Variants in ARNT2 observed in about 807,000 individuals in gnomAD.
ARNT2 encodes the protein ARNT protein 2.
ARNT2 carries 36 observed loss-of-function variants against 91.7 expected under a neutral mutation model. That is an observed-to-expected ratio of 0.39 (90% CI 0.30 to 0.52). The LOEUF is 0.52. Ranked by LOEUF, ARNT2 falls within the 20% of genes least tolerant of loss-of-function variation. The pLI, the probability that ARNT2 is intolerant of heterozygous loss-of-function variation, is 0.72. For missense variants in ARNT2, 775 were observed against 939.3 expected, an observed-to-expected ratio of 0.83 and a Z score of 2.29; for synonymous variants, 365 against 347.1, an observed-to-expected ratio of 1.05 and a Z score of -0.57.
At chr15:80,486,545 A>G (rs973226402) in intron 5 of ARNT2, among the ~76,000 whole-genome samples, 2 of 152,156 alleles carry the variant, frequency 1.3e-5, no homozygotes, top group Non-Finnish European at 1.5e-5. Context: ...ACTAGAAGCA[A>G]GTTTAACTGC....
intron 1 of ARNT2, among the ~76,000 whole-genome samples, chr15:80,423,160 C>T (rs1567175745): frequency 6.6e-6 from 1 of 152,210 alleles, no homozygotes; most frequent in Non-Finnish European, 1.5e-5. Flanking sequence ...ATATCCACCT[C>T]ATAAAGCAGT....
At chr15:80,511,823 G>T (rs527294708) in intron 6 of ARNT2, among the ~76,000 whole-genome samples, 1 of 152,148 alleles carries the variant, frequency 6.6e-6, no homozygotes, top group South Asian at 2.1e-4. Flanking sequence ...AAGAAGAGAG[G>T]GCAAAGGGAA....
intron 3 of ARNT2, among the ~76,000 whole-genome samples, chr15:80,460,467 C>T (rs562591539): frequency 1.4e-4 from 22 of 152,220 alleles, no homozygotes; most frequent in Admixed American, 6.5e-4. Context: ...CACATGCACA[C>T]GCCCATACGT....
chr15:80,424,504 C>T (rs1487070444), intron 1 of ARNT2, among the ~76,000 whole-genome samples: 1 of 152,202 alleles, frequency 6.6e-6, no homozygotes, highest in East Asian at 1.9e-4. Context: ...CCTCCTTCCA[C>T]GGGCTGCTCT....
At chr15:80,413,763 C>T (rs1190223555) in intron 1 of ARNT2, among the ~76,000 whole-genome samples, 1 of 152,158 alleles carries the variant, frequency 6.6e-6, no homozygotes, top group Non-Finnish European at 1.5e-5. Context: ...CGGGTAGAGC[C>T]AGGCCTTCCA....
intron 8 of ARNT2, 151 bp from the exon 9 acceptor site, chr15:80,551,048 G>A: frequency 1.5e-6 from 1 of 668,004 alleles, no homozygotes; most frequent in African/African-American, 1.8e-5. Context: ...GGAACTGAGT[G>A]AGGAACTGGT....
intron 1 of ARNT2, among the ~76,000 whole-genome samples, chr15:80,435,401 C>G (rs996814932): frequency 6.6e-6 from 1 of 152,152 alleles, no homozygotes; most frequent in African/African-American, 2.4e-5. Flanking sequence ...TGGGTCAGTC[C>G]CTGCTTCAGA....
chr15:80,456,225 A>G (rs897066771), intron 2 of ARNT2, among the ~76,000 whole-genome samples: 1 of 152,126 alleles, frequency 6.6e-6, no homozygotes, highest in African/African-American at 2.4e-5. Flanking sequence ...ACTACCTTGC[A>G]GAGGTGTGTG....
intron 1 of ARNT2, among the ~76,000 whole-genome samples, chr15:80,438,256 T>G (rs1199233723): frequency 6.6e-6 from 1 of 152,220 alleles, no homozygotes; most frequent in African/African-American, 2.4e-5. Flanking sequence ...ATACTAAATA[T>G]AGACATTTGT....
Position 80,470,207 on chromosome 15 carries a change from T to C in ARNT2, c.195-11T>C. ...TTTTCCCCCTCTCCTGATCTCGTGC[T>C]TTCTGGAAAGAGAGAATCATAGTGA... On this transcript the variant is annotated splice_polypyrimidine_tract_variant and intron_variant, in intron 3 of 18. Coordinates refer to ENST00000303329, the MANE Select transcript of ARNT2 (RefSeq NM_014862.4). 2 of 1,612,908 alleles carry C rather than the reference T, an allele frequency of 1.2e-6. No individual in the cohort carries two copies. The highest frequency in any genetic ancestry group is 2.2e-5 in the East Asian group (1 of 44,870).
chr15:80,531,813 C>T (rs571076235), intron 8 of ARNT2, among the ~76,000 whole-genome samples: 1 of 152,314 alleles, frequency 6.6e-6, no homozygotes, highest in South Asian at 2.1e-4. Context: ...TCAGTCCAGC[C>T]TGCCACTCTT....
At chr15:80,553,434 G>A (rs1429582691) in intron 10 of ARNT2, among the ~76,000 whole-genome samples, 1 of 152,082 alleles carries the variant, frequency 6.6e-6, no homozygotes, top group Non-Finnish European at 1.5e-5. Flanking sequence ...ATTTTCTTAG[G>A]TTTAGTATAG....
At chr15:80,438,879 C>T (rs1051726391) in intron 1 of ARNT2, among the ~76,000 whole-genome samples, 18 of 152,118 alleles carry the variant, frequency 1.2e-4, no homozygotes, top group African/African-American at 1.4e-4. Flanking sequence ...TTAGTAGATA[C>T]GGGGTTTCAC....
At chr15:80,443,885 A>C (rs1896235923) in intron 1 of ARNT2, among the ~76,000 whole-genome samples, 1 of 152,212 alleles carries the variant, frequency 6.6e-6, no homozygotes, top group African/African-American at 2.4e-5. Flanking sequence ...AGGAACCAGC[A>C]AGGGGAAGCA....
rs370670591 is a variant in ARNT2 at position 80,505,406 on chromosome 15, A to G, written c.623-2750A>G. On this transcript the variant is annotated intron_variant, in intron 5 of 18. Transcript: ENST00000303329. ...GTAGCACTTCAGAGGCAGGAAGTGC[A>G]CAGGCCAAAGATACACAGGAAGTAG... Among the ~76,000 whole-genome samples, 7 of 152,368 alleles carry G rather than the reference A, an allele frequency of 4.6e-5. No individual in the cohort carries two copies. The East Asian group carries it at 5.8e-4, about 13-fold the overall frequency.
In ARNT2 at chr15:80,404,501, T is replaced by C; in HGVS notation, c.-15T>C. ...CGCGCCCCTGCCAAGCGGGCGCCTA[T>C]CCTCTCCGAGCAAGATGGCAACCCC... On this transcript the variant is annotated 5_prime_UTR_variant, in exon 1 of 19. Transcript: ENST00000303329. The surrounding 1 kb of genome is among the most constrained non-coding windows in gnomAD (Gnocchi z 5.5). 8.1e-7 allele frequency: 1 copy of C among 1,237,438 alleles called. No individual in the cohort carries two copies. The allele number at this position is 1,237,438 out of a possible 1,614,324, so 76.7% of individuals were successfully genotyped here.
intron 5 of ARNT2, among the ~76,000 whole-genome samples, chr15:80,503,668 T>C (rs28687121): frequency 0.049 from 7,485 of 152,266 alleles, 595 homozygotes; most frequent in African/African-American, 0.17. Flanking sequence ...CGTAAAAAGA[T>C]GCCGTCTGTG....
chr15:80,467,736 G>A (rs1409416593), intron 3 of ARNT2, among the ~76,000 whole-genome samples: 1 of 152,172 alleles, frequency 6.6e-6, no homozygotes, highest in African/African-American at 2.4e-5. Context: ...AGTGTAGGCT[G>A]GCGAGGCGGG....
At chr15:80,439,281 C>T (rs1896148603) in intron 1 of ARNT2, among the ~76,000 whole-genome samples, 2 of 152,260 alleles carry the variant, frequency 1.3e-5, no homozygotes, top group Middle Eastern at 3.4e-3. Context: ...TGTTGTTATG[C>T]TGTAGACGTA....
Sources: allele counts gnomAD v4.1 joint callset (sites outside exome capture counted in the v4.1 genomes callset), GRCh38; gene constraint gnomAD v4.1.1; non-coding constraint Gnocchi (gnomAD v3.1); transcripts MANE v1.5; gene names NCBI Gene and HGNC (gene_info 2026-07-23, HGNC 2026-07-21).